Variants in JMJD1C observed in about 807,000 individuals in gnomAD.
JMJD1C encodes jumonji domain-containing protein 1C.
Under a neutral mutation model 245.3 loss-of-function variants are expected in JMJD1C, and 31 were observed. The observed-to-expected ratio is 0.13, with a 90% CI of 0.09 to 0.17. The LOEUF (loss-of-function observed/expected upper bound fraction) is 0.17. Ranked by LOEUF, JMJD1C falls within the 10% of genes least tolerant of loss-of-function variation. The pLI, the probability that JMJD1C is intolerant of heterozygous loss-of-function variation, is 1.00. For missense variants in JMJD1C, 2,691 were observed against 3,000.2 expected (o/e 0.90, Z 2.41); for synonymous variants, 1,057 against 1,017.4 (o/e 1.04, Z -0.74).
chr10:63,175,769 C>T (rs988861145), intron 24 of JMJD1C, among the ~76,000 whole-genome samples: 1 of 152,168 alleles, frequency 6.6e-6, no homozygotes, highest in Admixed American at 6.5e-5. Context: ...ATCCCACCCT[C>T]CATAACCACT....
At chr10:63,264,846 T>C in intron 2 of JMJD1C, 82 bp from the exon 3 acceptor site, 1 of 677,312 alleles carries the variant, frequency 1.5e-6, no homozygotes, top group East Asian at 2.7e-5. Context: ...CAATACAATG[T>C]ATCAATGTCA....
rs146162880 is a variant in JMJD1C at position 63,330,295 on chromosome 10, T to G, written c.333+50023A>C. 2.0e-5 allele frequency among the ~76,000 whole-genome samples: 3 copies of G among 152,298 alleles called. No homozygotes were observed. In the East Asian group the frequency reaches 5.8e-4, roughly 29 times the overall value. On this transcript the variant is annotated intron_variant, in intron 2 of 25. Coordinates refer to ENST00000399262, the MANE Select transcript of JMJD1C (RefSeq NM_032776.3). ...TTCAATTTAGAATATTTTCACAACT[T>G]ACAATGGTTTTTAGAATTTAACATA...
At chr10:63,518,367 A>T (rs2133307798) in intron 1 of JMJD1C, among the ~76,000 whole-genome samples, 1 of 152,334 alleles carries the variant, frequency 6.6e-6, no homozygotes, top group East Asian at 1.9e-4. Flanking sequence ...TACAATTTCA[A>T]ACAAATCCAT....
chr10:63,371,861 T>C (rs565561449), intron 2 of JMJD1C, among the ~76,000 whole-genome samples: 3 of 152,352 alleles, frequency 2.0e-5, no homozygotes, highest in South Asian at 4.1e-4. Context: ...CCTGAAGTTA[T>C]ATTGTCATTA....
intron 1 of JMJD1C, among the ~76,000 whole-genome samples, chr10:63,485,443 A>G (rs1458924303): frequency 6.6e-6 from 1 of 152,218 alleles, no homozygotes; most frequent in African/African-American, 2.4e-5. Flanking sequence ...GAGAAAAAAA[A>G]GAAAAGAAAG....
At chr10:63,416,160 C>A (rs980940107) in intron 1 of JMJD1C, among the ~76,000 whole-genome samples, 1 of 151,990 alleles carries the variant, frequency 6.6e-6, no homozygotes, top group Non-Finnish European at 1.5e-5. Flanking sequence ...ACGATACTTG[C>A]GATTAAATAA....
intron 1 of JMJD1C, among the ~76,000 whole-genome samples, chr10:63,450,285 G>C (rs998276389): frequency 7.2e-5 from 11 of 152,082 alleles, no homozygotes; most frequent in Admixed American, 4.6e-4. Flanking sequence ...TAATTGGAAG[G>C]CTGTGGCAGG....
At chr10:63,521,269 GCGC>G (rs1955218991) in intron 1 of JMJD1C, 1 of 150,192 alleles carries the variant, frequency 6.7e-6, no homozygotes, top group South Asian at 2.1e-4. Flanking sequence ...CCGGGCCAAC[GCGC>G]CGCCGCCACC....
At chr10:63,286,068 CTG>C (rs1857952424) in intron 2 of JMJD1C, among the ~76,000 whole-genome samples, 1 of 152,200 alleles carries the variant, frequency 6.6e-6, no homozygotes, top group African/African-American at 2.4e-5. Context: ...GTCCAGCAAT[CTG>C]TGCTTTAACA....
intron 1 of JMJD1C, among the ~76,000 whole-genome samples, chr10:63,399,300 T>C (rs1457239330): frequency 1.3e-5 from 2 of 152,144 alleles, no homozygotes; most frequent in Non-Finnish European, 2.9e-5. Flanking sequence ...CCCAGGATCA[T>C]CTTGTCCATT....
chr10:63,470,926 A>T (rs142766915), upstream of JMJD1C, among the ~76,000 whole-genome samples: 1 of 152,328 alleles, frequency 6.6e-6, no homozygotes, highest in African/African-American at 2.4e-5. Context: ...ATAAAAAATT[A>T]AAAATTTAGA....
Position 63,214,645 on chromosome 10 carries a change from A to G in JMJD1C, c.1522T>C (p.Cys508Arg). The G allele has an allele frequency of 6.2e-7, 1 of 1,614,104 alleles. No individual in the cohort carries two copies. Among genetic ancestry groups the G allele is most frequent in the Non-Finnish European group, 8.5e-7 (1 of 1,179,988 alleles). ...KFVSRPPTPK[C>R]VIDITNDTNL... ...GTGTCATTTGTAATATCAATAACAC[A>G]TTTTGGTGTGGGTGGTCTGGATACA... The change falls in exon 8 of 26, where the codon TGT becomes CGT. Residue 508 changes from cysteine (C) to arginine (R), a missense_variant. Around this residue, in one of 9 missense-constraint regions of JMJD1C, gnomAD observed 1,562 missense variants for 1,490.7 expected, o/e 1.05. Coordinates refer to ENST00000399262, the MANE Select transcript of JMJD1C (RefSeq NM_032776.3).
At position 63,184,726 on chromosome 10, in the gene JMJD1C, A is replaced by G; in HGVS notation, c.6843T>C (p.Leu2281=). ...KTMMPARYED[L]LKSLPLPEYC... ...ATTCTGGCAATGGCAGACTTTTTAA[A>G]AGATCTTCGTATCTGAAGAAAAACA... is the stretch of plus-strand genomic sequence containing the variant. The change falls in exon 21 of 26, where the codon CTT becomes CTC. Residue 2281 remains leucine (L), a synonymous_variant. Coordinates refer to ENST00000399262, the MANE Select transcript of JMJD1C (RefSeq NM_032776.3). 6.2e-7 allele frequency: 1 copy of G among 1,609,086 alleles called. No individual in the cohort carries two copies. The highest frequency in any genetic ancestry group is 8.5e-7 in the Non-Finnish European group (1 of 1,178,364).
At chr10:63,211,696 T>G (rs1175077014) in intron 8 of JMJD1C, among the ~76,000 whole-genome samples, 2 of 151,596 alleles carry the variant, frequency 1.3e-5, no homozygotes, top group Non-Finnish European at 1.5e-5. Flanking sequence ...TGATCTCACT[T>G]AACTTCAGAA....
intron 3 of JMJD1C, among the ~76,000 whole-genome samples, chr10:63,258,415 A>G (rs1054359438): frequency 2.6e-5 from 4 of 152,186 alleles, no homozygotes; most frequent in Admixed American, 2.0e-4. Flanking sequence ...TGTTACACAG[A>G]TAATTTTGTT....
At chr10:63,361,719 TAAAAAAAAAAAA>T (rs55879769) in intron 2 of JMJD1C, among the ~76,000 whole-genome samples, 3 of 95,548 alleles carry the variant, frequency 3.1e-5, no homozygotes, top group Middle Eastern at 6.0e-3. Flanking sequence ...CTGTCTCAAC[TAAAAAAAAAAAA>T]AAAAAAAAAA....
intron 2 of JMJD1C, among the ~76,000 whole-genome samples, chr10:63,318,412 T>C (rs1002695467): frequency 6.6e-6 from 1 of 152,208 alleles, no homozygotes; most frequent in African/African-American, 2.4e-5. Flanking sequence ...AAATGTTCAT[T>C]TGAGTCTTTT....
At position 63,215,463 on chromosome 10, in the gene JMJD1C, T is replaced by A; in HGVS notation, c.823-8A>T. The stretch of plus-strand genomic sequence containing the variant: ...GGCACGTGTATAATGGCTCTAAAAA[T>A]AACCAATTAACAGTAATTGTTTACT... On this transcript the variant is annotated splice_polypyrimidine_tract_variant and splice_region_variant and intron_variant, in intron 6 of 25. Coordinates refer to ENST00000399262, the MANE Select transcript of JMJD1C (RefSeq NM_032776.3). 1 of 1,613,896 alleles carries A rather than the reference T, an allele frequency of 6.2e-7. No homozygotes were observed. The highest frequency in any genetic ancestry group is 8.5e-7 in the Non-Finnish European group (1 of 1,179,838).
At chr10:63,408,481 T>C (rs1356758453) in intron 1 of JMJD1C, among the ~76,000 whole-genome samples, 1 of 151,322 alleles carries the variant, frequency 6.6e-6, no homozygotes, top group Non-Finnish European at 1.5e-5. Context: ...CAAGAAAAGA[T>C]CCCACAAGTT....
Sources: gnomAD v4.1 joint callset for allele counts (sites outside exome capture counted in the v4.1 genomes callset) on GRCh38, gnomAD v4.1.1 for gene constraint, gnomAD v4.1.1 regional missense constraint, MANE v1.5 for transcripts, NCBI Gene and HGNC (gene_info 2026-07-23, HGNC 2026-07-21) for gene names.